Variants in NCAM1 observed in about 807,000 individuals in gnomAD.
The protein encoded by NCAM1 is neural cell adhesion molecule 1, also known as antigen recognized by monoclonal antibody 5.1H11.
In NCAM1, 14 loss-of-function variants were observed where a neutral mutation model predicts 109.8. That is an observed-to-expected ratio of 0.13 (90% CI 0.08 to 0.20). The LOEUF is 0.20. Among genes scored for constraint, NCAM1 ranks in the 10% least tolerant of loss-of-function variants. NCAM1 has a pLI of 1.00. For synonymous variants in NCAM1, 418 were observed against 442.9 expected (o/e 0.94, Z 0.70); for missense variants, 774 against 1,109.9 (o/e 0.70, Z 4.30).
At chr11:112,971,212 T>C (rs1555066734) in intron 1 of NCAM1, among the ~76,000 whole-genome samples, 1 of 151,776 alleles carries the variant, frequency 6.6e-6, no homozygotes, top group Non-Finnish European at 1.5e-5. Context: ...AAGTACTGCT[T>C]TGAGTACTTC....
intron 1 of NCAM1, among the ~76,000 whole-genome samples, chr11:113,138,474 G>C (rs547774350): frequency 1.3e-5 from 2 of 152,270 alleles, no homozygotes; most frequent in African/African-American, 4.8e-5. Flanking sequence ...CAAGAATGAC[G>C]GCCCCGTCAC....
At chr11:113,129,455 T>C (rs1289573717) in intron 1 of NCAM1, among the ~76,000 whole-genome samples, 3 of 152,014 alleles carry the variant, frequency 2.0e-5, no homozygotes, top group African/African-American at 7.3e-5. Context: ...GACAAGGACC[T>C]GTATTTTTTT....
intron 6 of NCAM1, 111 bp from the exon 7 acceptor site, chr11:113,207,722 C>A: frequency 8.4e-7 from 1 of 1,193,068 alleles, no homozygotes; most frequent in Non-Finnish European, 1.2e-6. Flanking sequence ...TTTGTGAAGA[C>A]TGAGGAGTCT....
intron 1 of NCAM1, among the ~76,000 whole-genome samples, chr11:113,117,174 A>G (rs1555095060): frequency 6.6e-6 from 1 of 152,018 alleles, no homozygotes; most frequent in East Asian, 1.9e-4. Flanking sequence ...TCTCATCTGC[A>G]TAAGCCATTT....
chr11:113,041,581 T>C (rs3802847), intron 1 of NCAM1, among the ~76,000 whole-genome samples: 68,251 of 152,050 alleles, frequency 0.45, 16,248 homozygotes, highest in East Asian at 0.8. Context: ...TGCGAACCAA[T>C]GGTAGACCCG....
At chr11:113,119,948 A>C (rs1393700196) in intron 1 of NCAM1, among the ~76,000 whole-genome samples, 2 of 152,222 alleles carry the variant, frequency 1.3e-5, no homozygotes, top group Non-Finnish European at 2.9e-5. Context: ...TATTTGGAAC[A>C]CAGAAAAATG....
At chr11:113,073,720 A>G (rs1488663959) in intron 1 of NCAM1, among the ~76,000 whole-genome samples, 9 of 152,222 alleles carry the variant, frequency 5.9e-5, no homozygotes, top group African/African-American at 1.9e-4. Context: ...CGCATCACAC[A>G]TTTTAGAACA....
At chr11:113,086,559 T>C (rs1437524670) in intron 1 of NCAM1, among the ~76,000 whole-genome samples, 4 of 152,234 alleles carry the variant, frequency 2.6e-5, no homozygotes, top group African/African-American at 7.2e-5. Context: ...TCGAAGTTCT[T>C]GTAAACATTC....
intron 1 of NCAM1, among the ~76,000 whole-genome samples, chr11:113,064,344 T>C (rs1811110716): frequency 6.6e-6 from 1 of 152,234 alleles, no homozygotes; most frequent in African/African-American, 2.4e-5. Context: ...AAATTATGAC[T>C]GCTTAATCTT....
At chr11:113,242,789 T>A in intron 14 of NCAM1, 1 of 1,611,756 alleles carries the variant, frequency 6.2e-7, no homozygotes, top group Non-Finnish European at 8.5e-7. Flanking sequence ...CTTTTCTGTC[T>A]GTCGTGTTTC....
At chr11:113,190,794 G>A (rs1362353629) in intron 1 of NCAM1, among the ~76,000 whole-genome samples, 2 of 152,192 alleles carry the variant, frequency 1.3e-5, no homozygotes, top group African/African-American at 4.8e-5. Flanking sequence ...GATCTGGTGT[G>A]ACAGTGGTTG....
At chr11:113,152,818 G>C (rs945335016) in intron 1 of NCAM1, among the ~76,000 whole-genome samples, 13 of 152,168 alleles carry the variant, frequency 8.5e-5, no homozygotes, top group African/African-American at 2.9e-4. Flanking sequence ...AAATTCTAGA[G>C]GTCTTTGCAT....
chr11:113,197,474 C>T (rs1215593806), intron 1 of NCAM1, among the ~76,000 whole-genome samples: 1 of 152,152 alleles, frequency 6.6e-6, no homozygotes, highest in African/African-American at 2.4e-5. Flanking sequence ...TTTCAAAAGT[C>T]CATGGTCATT....
At chr11:113,231,061 C>T (rs1017536695) in intron 9 of NCAM1, 39 of 825,044 alleles carry the variant, frequency 4.7e-5, no homozygotes, top group African/African-American at 1.2e-4. Context: ...TGCAGTGGCT[C>T]CTGATCTTTG....
At chr11:113,080,303 C>G (rs1245113) in intron 1 of NCAM1, among the ~76,000 whole-genome samples, 80,264 of 151,876 alleles carry the variant, frequency 0.53, 21,918 homozygotes, top group Middle Eastern at 0.58. Context: ...ATATATCTTT[C>G]CCCAAAGTCT....
intron 1 of NCAM1, among the ~76,000 whole-genome samples, chr11:113,071,293 GAC>G (rs2135565502): frequency 6.6e-6 from 1 of 152,228 alleles, no homozygotes; most frequent in East Asian, 1.9e-4. Context: ...CCAGGATGTA[GAC>G]ATAGCAAATT....
At position 113,221,346 on chromosome 11, in the gene NCAM1, A is replaced by T. The variant is rs1317933575; in HGVS notation, c.1089+21A>T. The T allele has an allele frequency of 2.5e-5, 39 of 1,566,014 alleles. 1 individual carries two copies. In the Admixed American group the frequency reaches 7.4e-4, roughly 30 times the overall value. On this transcript the variant is annotated intron_variant, in intron 9 of 19. Coordinates refer to ENST00000316851, the MANE Select transcript of NCAM1 (RefSeq NM_181351.5). ...AAGAGGTATAGCTTACCTGACCACT[A>T]GCCAGTCTTTAGTTTTGAAAGCATT...
rs566996760 is a variant in NCAM1 at position 112,964,042 on chromosome 11, A to T, written c.52+2378A>T. ...GTCTTTTGTACCATAGTTTTTTTTT[A>T]AAAAAATCAAAGAATTCAAGTCAAA... On this transcript the variant is annotated intron_variant, in intron 1 of 19. Transcript: ENST00000316851. Among the ~76,000 whole-genome samples, 57 of 152,056 alleles carry T rather than the reference A, an allele frequency of 3.7e-4. 1 individual carries two copies. Among genetic ancestry groups the T allele is most frequent in the South Asian group, 1.2e-3 (6 of 4,806 alleles).
At position 113,260,169 on chromosome 11, in the gene NCAM1, G is replaced by A. The variant is rs1212511357; in HGVS notation, c.1977G>A (p.Glu659=). The A allele has an allele frequency of 1.5e-5, 24 of 1,613,202 alleles. No individual in the cohort carries two copies. In the Admixed American group the frequency reaches 4.0e-4, roughly 27 times the overall value. ...AGCTCTCCTCCGAGTGGAAACCAGA[G>A]ATCAGGCTCCCGTCTGGCAGTGACC... The part of the protein sequence containing the change: ...YRALSSEWKP[E]IRLPSGSDHV... Residue 659 remains glutamate, a synonymous_variant, in exon 17 of 20, where the codon GAG becomes GAA. Coordinates refer to ENST00000316851, the MANE Select transcript of NCAM1 (RefSeq NM_181351.5).
Sources: allele counts gnomAD v4.1 joint callset (sites outside exome capture counted in the v4.1 genomes callset), GRCh38; gene constraint gnomAD v4.1.1; transcripts MANE v1.5; gene names NCBI Gene and HGNC (gene_info 2026-07-23, HGNC 2026-07-21).